The following VEGFC variants were observed in gnomAD, a reference collection of about 807,000 sequenced individuals.
VEGFC encodes FLT4 ligand DHM.
A neutral mutation model predicts 46.1 loss-of-function variants in VEGFC; 12 were observed. That is an observed-to-expected ratio of 0.26 (90% confidence interval 0.17 to 0.42). The LOEUF is 0.42. VEGFC is among the 10% of genes least tolerant of loss of function. The probability of loss-of-function intolerance (pLI) is 1.00; values close to 1 mark genes in which losing one functional copy is unlikely to be tolerated. For synonymous variants in VEGFC, 232 were observed against 195.5 expected (o/e 1.19, Z -1.56); for missense variants, 488 against 529.4 (o/e 0.92, Z 0.77).
At chr4:176,762,984 C>A (rs1735556387) in intron 1 of VEGFC, among the ~76,000 whole-genome samples, 1 of 152,158 alleles carries the variant, frequency 6.6e-6, no homozygotes, top group East Asian at 1.9e-4. Context: ...AAGGAGACTG[C>A]AAGGAAATTT....
Position 176,784,779 on chromosome 4 carries a change from A to AAAAAAAAG in VEGFC, c.147+7385_147+7386insCTTTTTTT, listed in dbSNP as rs1553998122. On this transcript the variant is annotated intron_variant, in intron 1 of 6. Coordinates refer to ENST00000618562, the MANE Select transcript of VEGFC (RefSeq NM_005429.5). ...CTCAAAAAAAAAAAAAAAAAAAAAA[A>AAAAAAAAG]GATAAAGTAACTAAATACACAAAAC... 3.0e-4 allele frequency among the ~76,000 whole-genome samples: 30 copies of AAAAAAAAG among 100,286 alleles called. 4 individuals are homozygous for AAAAAAAAG. The highest frequency in any genetic ancestry group is 4.1e-4 in the South Asian group (1 of 2,454). The allele number at this position is 100,286 out of a possible 152,430, so 65.8% of individuals were successfully genotyped here.
At chr4:176,695,909 A>T (rs1315342621) in intron 4 of VEGFC, among the ~76,000 whole-genome samples, 4 of 151,476 alleles carry the variant, frequency 2.6e-5, no homozygotes, top group African/African-American at 9.7e-5. Context: ...TAGATGCAGA[A>T]AAAGCCTTTG....
intron 1 of VEGFC, among the ~76,000 whole-genome samples, chr4:176,762,654 A>T (rs997307237): frequency 2.6e-5 from 4 of 152,242 alleles, no homozygotes; most frequent in African/African-American, 9.6e-5. Flanking sequence ...CTATTTATCT[A>T]CATACATGCA....
intron 4 of VEGFC, among the ~76,000 whole-genome samples, chr4:176,695,154 A>G (rs1283964454): frequency 6.6e-6 from 1 of 151,602 alleles, no homozygotes; most frequent in East Asian, 1.9e-4. Flanking sequence ...GGAAATAGAG[A>G]CACAAAAAAC....
intron 1 of VEGFC, among the ~76,000 whole-genome samples, chr4:176,763,259 G>A (rs1735561723): frequency 6.6e-6 from 1 of 152,054 alleles, no homozygotes; most frequent in South Asian, 2.1e-4. Flanking sequence ...GACCAAAAGT[G>A]AAAGATCAAA....
At chr4:176,691,950 C>A (rs959122474) in intron 4 of VEGFC, among the ~76,000 whole-genome samples, 2 of 152,086 alleles carry the variant, frequency 1.3e-5, no homozygotes, top group African/African-American at 4.8e-5. Context: ...ACGCACCGTG[C>A]GCGAGCCGAA....
At chr4:176,761,721 G>A (rs958664526) in intron 1 of VEGFC, among the ~76,000 whole-genome samples, 1 of 151,980 alleles carries the variant, frequency 6.6e-6, no homozygotes, top group African/African-American at 2.4e-5. Context: ...ATGTAACCTT[G>A]GAAAAATAAA....
chr4:176,721,693 ACAGAACACT>A (rs1463924965), intron 3 of VEGFC, among the ~76,000 whole-genome samples: 1 of 152,218 alleles, frequency 6.6e-6, no homozygotes, highest in Non-Finnish European at 1.5e-5. Context: ...TTACTAAGAC[ACAGAACACT>A]GGAAAAAGAA....
intron 1 of VEGFC, among the ~76,000 whole-genome samples, chr4:176,751,675 A>G: frequency 6.6e-6 from 1 of 152,162 alleles, no homozygotes; most frequent in East Asian, 1.9e-4. Context: ...TGAAGAATGT[A>G]TGTTCAGCAC....
At chr4:176,774,312 C>G (rs1400317809) in intron 1 of VEGFC, among the ~76,000 whole-genome samples, 1 of 151,866 alleles carries the variant, frequency 6.6e-6, no homozygotes, top group Non-Finnish European at 1.5e-5. Flanking sequence ...TTATTAAACC[C>G]AGCAAAAATT....
chr4:176,789,200 G>A (rs887276825), intron 1 of VEGFC, among the ~76,000 whole-genome samples: 23 of 152,168 alleles, frequency 1.5e-4, no homozygotes, highest in African/African-American at 5.1e-4. Context: ...CTCTCAAGAG[G>A]AACCGGAACC....
At chr4:176,775,052 T>C (rs1255777664) in intron 1 of VEGFC, among the ~76,000 whole-genome samples, 1 of 152,152 alleles carries the variant, frequency 6.6e-6, no homozygotes, top group African/African-American at 2.4e-5. Context: ...CTCACAGGTA[T>C]TATAACAATC....
At chr4:176,692,123 G>A (rs1210043295) in intron 4 of VEGFC, among the ~76,000 whole-genome samples, 2 of 151,984 alleles carry the variant, frequency 1.3e-5, no homozygotes, top group Non-Finnish European at 2.9e-5. Flanking sequence ...GGCCCGGCGC[G>A]GTGGCTCACG....
At chr4:176,711,771 G>T in intron 3 of VEGFC, 121 bp from the exon 4 acceptor site, 1 of 886,156 alleles carries the variant, frequency 1.1e-6, no homozygotes, top group Non-Finnish European at 1.7e-6. Flanking sequence ...CCTAGTGTAC[G>T]CAGGACGCTA....
intron 1 of VEGFC, among the ~76,000 whole-genome samples, chr4:176,760,405 T>C (rs1375593558): frequency 6.6e-6 from 1 of 152,186 alleles, no homozygotes; most frequent in African/African-American, 2.4e-5. Flanking sequence ...AAAGAATTTC[T>C]CTAGGCAAAG....
At chr4:176,697,213 G>A (rs2110980503) in intron 4 of VEGFC, among the ~76,000 whole-genome samples, 2 of 150,714 alleles carry the variant, frequency 1.3e-5, no homozygotes, top group South Asian at 4.2e-4. Context: ...CAAAATGGGA[G>A]AAAATTTTCA....
chr4:176,716,588 AAAAAAAAAAAAAAAAAAAG>A (rs1372754814), intron 3 of VEGFC, among the ~76,000 whole-genome samples: 1 of 149,392 alleles, frequency 6.7e-6, no homozygotes, highest in Non-Finnish European at 1.5e-5. Flanking sequence ...CTCTCCGAAA[AAAAAAAAAAAAAAAAAAAG>A]AAAAAGAAAA....
At chr4:176,716,988 C>A (rs1480869899) in intron 3 of VEGFC, among the ~76,000 whole-genome samples, 1 of 152,134 alleles carries the variant, frequency 6.6e-6, no homozygotes, top group African/African-American at 2.4e-5. Flanking sequence ...CTAATAGCTC[C>A]AAGTATGTTT....
chr4:176,700,931 T>C (rs1579093957), intron 4 of VEGFC, among the ~76,000 whole-genome samples: 1 of 152,196 alleles, frequency 6.6e-6, no homozygotes, highest in Admixed American at 6.5e-5. Flanking sequence ...AAGTGGCTGG[T>C]TGATGCCAGG....
Sources: allele counts gnomAD v4.1 joint callset (sites outside exome capture counted in the v4.1 genomes callset), GRCh38; gene constraint gnomAD v4.1.1; transcripts MANE v1.5; gene names NCBI Gene and HGNC (gene_info 2026-07-23, HGNC 2026-07-21).